Variants in GRIK2 observed in about 807,000 individuals in gnomAD.
The protein encoded by GRIK2 is glutamate ionotropic receptor kainate type subunit 2.
Under a neutral mutation model 100.3 loss-of-function variants are expected in GRIK2, and 32 were observed. That is an observed-to-expected ratio of 0.32 (90% confidence interval 0.24 to 0.43). The LOEUF is 0.43. Among genes scored for constraint, GRIK2 ranks in the 20% least tolerant of loss-of-function variants. GRIK2 has a pLI of 1.00. For missense variants in GRIK2, 843 were observed against 1,114.9 expected (o/e 0.76, Z 3.47); for synonymous variants, 417 against 389.4 (o/e 1.07, Z -0.83).
chr6:101,507,658 C>T (rs1463151402), intron 2 of GRIK2, among the ~76,000 whole-genome samples: 1 of 152,122 alleles, frequency 6.6e-6, no homozygotes, highest in East Asian at 1.9e-4. Context: ...TTGTAGAAGA[C>T]AGCATAGAGT....
chr6:101,689,397 TC>T (rs1301807689), intron 7 of GRIK2, among the ~76,000 whole-genome samples: 4 of 152,134 alleles, frequency 2.6e-5, no homozygotes, highest in African/African-American at 7.2e-5. Context: ...GACTTTGACA[TC>T]CTTTCTTCAT....
At chr6:101,813,219 A>G (rs560917388) in intron 9 of GRIK2, among the ~76,000 whole-genome samples, 2 of 152,180 alleles carry the variant, frequency 1.3e-5, no homozygotes, top group South Asian at 2.1e-4. Context: ...AATACTGAAG[A>G]CTTTCAAGAA....
chr6:101,695,424 A>G (rs1182119031), intron 7 of GRIK2, among the ~76,000 whole-genome samples: 5 of 152,168 alleles, frequency 3.3e-5, no homozygotes, highest in Non-Finnish European at 5.9e-5. Context: ...TTAAGTTTCA[A>G]CATGAATTTT....
intron 7 of GRIK2, among the ~76,000 whole-genome samples, chr6:101,777,026 T>G (rs1048597616): frequency 6.6e-6 from 1 of 152,246 alleles, no homozygotes; most frequent in Non-Finnish European, 1.5e-5. Flanking sequence ...CTATGCACCA[T>G]GTGCCAGGAA....
At chr6:101,722,726 A>G (rs2128366256) in intron 7 of GRIK2, among the ~76,000 whole-genome samples, 1 of 152,224 alleles carries the variant, frequency 6.6e-6, no homozygotes, top group Middle Eastern at 3.4e-3. Flanking sequence ...AAGGAATAAA[A>G]TATTATGAGA....
At chr6:101,441,139 C>A (rs1770027046) in intron 2 of GRIK2, among the ~76,000 whole-genome samples, 1 of 152,022 alleles carries the variant, frequency 6.6e-6, no homozygotes, top group Non-Finnish European at 1.5e-5. Flanking sequence ...CCACTACACC[C>A]AGCCCAGGCC....
At chr6:101,449,325 A>G (rs1222241791) in intron 2 of GRIK2, among the ~76,000 whole-genome samples, 1 of 151,686 alleles carries the variant, frequency 6.6e-6, no homozygotes, top group Non-Finnish European at 1.5e-5. Context: ...TTTAAAAACA[A>G]CTGCATTACT....
At chr6:101,522,703 G>T (rs1351120521) in intron 2 of GRIK2, among the ~76,000 whole-genome samples, 1 of 151,828 alleles carries the variant, frequency 6.6e-6, no homozygotes, top group Non-Finnish European at 1.5e-5. Flanking sequence ...TCTCTGTTCT[G>T]CCCTCAGCCT....
At chr6:101,614,315 T>G (rs940213766) in intron 2 of GRIK2, among the ~76,000 whole-genome samples, 1 of 151,752 alleles carries the variant, frequency 6.6e-6, no homozygotes, top group African/African-American at 2.4e-5. Context: ...TATTTTGAAT[T>G]TTTAAACATA....
intron 2 of GRIK2, among the ~76,000 whole-genome samples, chr6:101,504,794 A>T (rs1773938594): frequency 6.6e-6 from 1 of 152,112 alleles, no homozygotes; most frequent in Non-Finnish European, 1.5e-5. Context: ...CCCAGAATTT[A>T]TGTAGCCTAG....
At chr6:101,636,573 A>T (rs1480431494) in intron 4 of GRIK2, among the ~76,000 whole-genome samples, 1 of 152,168 alleles carries the variant, frequency 6.6e-6, no homozygotes, top group African/African-American at 2.4e-5. Flanking sequence ...TGTTTATAGG[A>T]CTAATTCTCA....
At chr6:101,700,269 C>A (rs901580990) in intron 7 of GRIK2, among the ~76,000 whole-genome samples, 2 of 151,798 alleles carry the variant, frequency 1.3e-5, no homozygotes, top group East Asian at 3.9e-4. Flanking sequence ...TTTAGCATCA[C>A]TAAGTACAGG....
intron 9 of GRIK2, among the ~76,000 whole-genome samples, chr6:101,816,245 A>C (rs1339042536): frequency 6.6e-6 from 1 of 151,966 alleles, no homozygotes; most frequent in South Asian, 2.1e-4. Flanking sequence ...TTTATATTAA[A>C]AAAAAAAGTA....
chr6:101,777,390 C>T (rs1778812951), intron 7 of GRIK2, among the ~76,000 whole-genome samples: 1 of 152,168 alleles, frequency 6.6e-6, no homozygotes, highest in Non-Finnish European at 1.5e-5. Flanking sequence ...TAGGCTTGTG[C>T]TGACTGTGCA....
chr6:102,047,053 C>T (rs1302972965), intron 15 of GRIK2, among the ~76,000 whole-genome samples: 3 of 152,058 alleles, frequency 2.0e-5, no homozygotes, highest in Non-Finnish European at 2.9e-5. Flanking sequence ...CTACAGAATG[C>T]AGCAAAAGCA....
chr6:101,795,409 C>T (rs1308761912), intron 7 of GRIK2, among the ~76,000 whole-genome samples: 2 of 152,068 alleles, frequency 1.3e-5, no homozygotes, highest in Admixed American at 6.6e-5. Flanking sequence ...AGTCCTGAGG[C>T]CCAGTGGTGT....
intron 11 of GRIK2, among the ~76,000 whole-genome samples, chr6:101,876,082 G>C (rs1785818296): frequency 6.6e-6 from 1 of 151,372 alleles, no homozygotes; most frequent in African/African-American, 2.4e-5. Context: ...CTTAATTTGA[G>C]TTCACATAAA....
chr6:101,896,144 C>A (rs367888780), intron 12 of GRIK2, among the ~76,000 whole-genome samples: 1 of 151,636 alleles, frequency 6.6e-6, no homozygotes. Flanking sequence ...TATGTGGAGT[C>A]ACCAACCCAG....
intron 2 of GRIK2, among the ~76,000 whole-genome samples, chr6:101,406,821 A>C (rs1775620957): frequency 6.6e-6 from 1 of 152,192 alleles, no homozygotes; most frequent in African/African-American, 2.4e-5. Flanking sequence ...TTTTAGCATA[A>C]GTGATTATTT....
Sources: gnomAD v4.1 joint callset for allele counts (sites outside exome capture counted in the v4.1 genomes callset) on GRCh38, gnomAD v4.1.1 for gene constraint, MANE v1.5 for transcripts, NCBI Gene and HGNC (gene_info 2026-07-23, HGNC 2026-07-21) for gene names.